SAXO1: variants seen among roughly 807,000 people sequenced by gnomAD.
SAXO1 encodes stabilizer of axonemal microtubules 1.
SAXO1 carries 21 observed loss-of-function variants against 17.5 expected under a neutral mutation model. That is an observed-to-expected ratio of 1.20 (90% confidence interval 0.85 to 1.72). The LOEUF (loss-of-function observed/expected upper bound fraction) is 1.72. SAXO1 is among the 40% of genes most tolerant of loss of function. The pLI is 0.00. For missense variants in SAXO1, 843 were observed against 596.0 expected (o/e 1.41, Z -4.32); for synonymous variants, 274 against 216.5 (o/e 1.27, Z -2.33).
rs150637942 is a variant in SAXO1 at position 18,952,099 on chromosome 9, T to C, written c.39-1162A>G. ...ACTTACTACTTACAGCTGGACTGAGTCAGCTATTAAAGCTGTCAAAAACTA... is the reference window on the plus strand; with the variant it reads ...ACTTACTACTTACAGCTGGACTGAGCCAGCTATTAAAGCTGTCAAAAACTA... On this transcript the variant is annotated intron_variant, in intron 1 of 3. Transcript: ENST00000380534. 5.3e-5 allele frequency among the ~76,000 whole-genome samples: 8 copies of C among 152,336 alleles called. No homozygotes were observed. The East Asian group carries it at 1.5e-3, about 29-fold the overall frequency.
intron 1 of SAXO1, among the ~76,000 whole-genome samples, chr9:19,023,014 G>A (rs1219833932): frequency 6.6e-6 from 1 of 152,134 alleles, no homozygotes; most frequent in Non-Finnish European, 1.5e-5. Flanking sequence ...CCTAATAAAT[G>A]CTGGACTCAA....
intron 1 of SAXO1, among the ~76,000 whole-genome samples, chr9:18,958,724 G>C (rs1334295998): frequency 6.6e-6 from 1 of 151,964 alleles, no homozygotes; most frequent in African/African-American, 2.4e-5. Context: ...GTGAATATCT[G>C]TGCAGGAAGG....
chr9:19,012,841 C>T (rs896375775), intron 1 of SAXO1, among the ~76,000 whole-genome samples: 8 of 152,140 alleles, frequency 5.3e-5, no homozygotes, highest in Non-Finnish European at 1.0e-4. Context: ...CTGTATTAGC[C>T]AGGTTAATAT....
At chr9:19,039,145 A>C (rs570927732) in intron 1 of SAXO1, among the ~76,000 whole-genome samples, 1 of 152,164 alleles carries the variant, frequency 6.6e-6, no homozygotes, top group Non-Finnish European at 1.5e-5. Flanking sequence ...AAAAGAAAAA[A>C]AAAAAAGAAA....
rs111389684 is a variant in SAXO1, at chr9:18,941,939, G to A, written c.219-100C>T. On this transcript the variant is annotated intron_variant, in intron 2 of 3. Transcript: ENST00000380534. ...CTACAAACATTTGCTGAGAAGTCCT[G>A]TTCTACTCTACCTGCCTTCCCTCCT... The A allele has an allele frequency of 1.4e-4, 158 of 1,112,706 alleles. No individual in the cohort carries two copies. The African/African-American group carries it at 2.0e-3, about 14-fold the overall frequency. 68.9% of individuals were successfully genotyped at this position (1,112,706 alleles called of 1,614,324 possible).
At chr9:18,939,115 C>A (rs912497199) in intron 3 of SAXO1, among the ~76,000 whole-genome samples, 1 of 152,070 alleles carries the variant, frequency 6.6e-6, no homozygotes, top group Non-Finnish European at 1.5e-5. Flanking sequence ...AGAGGAGAGG[C>A]GAGTCCGCCA....
intron 1 of SAXO1, among the ~76,000 whole-genome samples, chr9:18,973,859 T>C (rs1428517166): frequency 6.6e-6 from 1 of 152,266 alleles, no homozygotes; most frequent in Non-Finnish European, 1.5e-5. Flanking sequence ...TTTTCATTTA[T>C]TGCCCACTTA....
rs867057082 is a variant in SAXO1, at chr9:19,027,166, G to C, written c.38+5705C>G. The C allele has an allele frequency of 8.4e-6, 10 of 1,189,864 alleles. 1 individual carries two copies. The Middle Eastern group carries it at 6.0e-4, about 71-fold the overall frequency. The allele number at this position is 1,189,864 out of a possible 1,614,324, so 73.7% of individuals were successfully genotyped here. Reference sequence around the variant, plus strand: ...GATCCCAATGATCAAGAGGAGGATGGTCCAAATATTGACCTGGACTCCCAG... The same window carrying C: ...GATCCCAATGATCAAGAGGAGGATGCTCCAAATATTGACCTGGACTCCCAG... On this transcript the variant is annotated intron_variant, in intron 1 of 3. Transcript: ENST00000380534.
intron 1 of SAXO1, among the ~76,000 whole-genome samples, chr9:19,044,773 G>A (rs1317728891): frequency 1.3e-5 from 2 of 152,032 alleles, no homozygotes; most frequent in Non-Finnish European, 2.9e-5. Context: ...TGAGGCAGGA[G>A]AATGGCGTGA....
rs1358377285 is a variant in SAXO1 at position 18,927,766 on chromosome 9, G to GA, written c.*285dup. ...ATTAATAAAATACATCTGGATCAGA[G>GA]AAACCCTCACAGACCAACTTTGATT... On this transcript the variant is annotated 3_prime_UTR_variant, in exon 4 of 4. Coordinates refer to ENST00000380534, the MANE Select transcript of SAXO1 (RefSeq NM_153707.4). 5.8e-6 allele frequency: 2 copies of GA among 345,798 alleles called. No homozygotes were observed. Among genetic ancestry groups the GA allele is most frequent in the East Asian group, 4.5e-5 (1 of 22,186 alleles). 21.4% of individuals were successfully genotyped at this position (345,798 alleles called of 1,614,324 possible).
intron 1 of SAXO1, among the ~76,000 whole-genome samples, chr9:19,041,989 C>T (rs956453942): frequency 2.0e-5 from 3 of 152,094 alleles, no homozygotes; most frequent in African/African-American, 7.2e-5. Flanking sequence ...TAGAAACAAT[C>T]AACAAATCAA....
upstream of SAXO1, among the ~76,000 whole-genome samples, chr9:19,033,673 C>T (rs1430317724): frequency 6.6e-6 from 1 of 152,232 alleles, no homozygotes; most frequent in African/African-American, 2.4e-5. Context: ...GCGCCCAGGC[C>T]TTCACTGCTC....
At chr9:18,938,120 G>C (rs952165496) in intron 3 of SAXO1, among the ~76,000 whole-genome samples, 1 of 152,138 alleles carries the variant, frequency 6.6e-6, no homozygotes, top group Admixed American at 6.5e-5. Context: ...GACTTGACTG[G>C]TGTTCATTTA....
chr9:18,998,020 C>G (rs982422507), intron 1 of SAXO1, among the ~76,000 whole-genome samples: 7 of 152,164 alleles, frequency 4.6e-5, no homozygotes, highest in Non-Finnish European at 7.4e-5. Context: ...GAAACCAGAG[C>G]AGAAAGGCTG....
At chr9:19,010,811 C>G (rs1834701738) in intron 1 of SAXO1, among the ~76,000 whole-genome samples, 1 of 152,148 alleles carries the variant, frequency 6.6e-6, no homozygotes. Context: ...GGAAACCTTT[C>G]CTTTCTCAAT....
chr9:19,006,266 T>C (rs1179123218), intron 1 of SAXO1, among the ~76,000 whole-genome samples: 3 of 152,214 alleles, frequency 2.0e-5, no homozygotes, highest in African/African-American at 7.2e-5. Flanking sequence ...AATTCGACTT[T>C]CAGGTATGTA....
At chr9:18,958,389 G>A (rs6475277) in intron 1 of SAXO1, among the ~76,000 whole-genome samples, 121,659 of 151,912 alleles carry the variant, frequency 0.8, 48,938 homozygotes, top group African/African-American at 0.87. Flanking sequence ...GCAACACTGC[G>A]CTCCTGCCTG....
chr9:19,021,980 C>T (rs1157760678), intron 1 of SAXO1, among the ~76,000 whole-genome samples: 2 of 152,224 alleles, frequency 1.3e-5, no homozygotes. Flanking sequence ...GCAGTGGCAA[C>T]TGGGTCGGGT....
intron 1 of SAXO1, among the ~76,000 whole-genome samples, chr9:18,988,645 G>A (rs2131836236): frequency 6.6e-6 from 1 of 152,278 alleles, no homozygotes; most frequent in East Asian, 1.9e-4. Context: ...GATAATCAAT[G>A]TATGCACTAT....
Sources: allele counts gnomAD v4.1 joint callset (sites outside exome capture counted in the v4.1 genomes callset), GRCh38; gene constraint gnomAD v4.1.1; transcripts MANE v1.5; gene names NCBI Gene and HGNC (gene_info 2026-07-23, HGNC 2026-07-21).